Variants in NAV3 observed in about 807,000 individuals in gnomAD.
NAV3 encodes pore membrane and/or filament interacting like protein 1.
Under a neutral mutation model 244.7 loss-of-function variants are expected in NAV3, and 87 were observed. The observed-to-expected ratio is 0.36, with a 90% CI of 0.30 to 0.42. NAV3 has a LOEUF of 0.42. NAV3 is among the 20% of genes least tolerant of loss of function. The pLI is 1.00. For synonymous variants in NAV3, 1,126 were observed against 1,042.2 expected (o/e 1.08, Z -1.55); for missense variants, 2,663 against 2,893.3 (o/e 0.92, Z 1.83).
chr12:77,673,867 G>A (rs767096667), intron 2 of NAV3, among the ~76,000 whole-genome samples: 3 of 151,982 alleles, frequency 2.0e-5, no homozygotes, highest in African/African-American at 7.2e-5. Context: ...TTTTAAAGTG[G>A]TAATTGATAT....
chr12:78,137,434 C>A, intron 19 of NAV3, 69 bp downstream of exon 19: 2 of 1,412,510 alleles, frequency 1.4e-6, no homozygotes, highest in Non-Finnish European at 1.9e-6. Context: ...CATTGTGTCA[C>A]TCACATCACA....
chr12:78,177,210 A>G lies in NAV3; in HGVS notation c.5194A>G (p.Ile1732Val). Residue 1732 changes from isoleucine (I) to valine (V), a missense_variant, in exon 27 of 40, where the codon ATT becomes GTT. This residue lies in a region of NAV3 where 193 missense variants were observed against 200.7 expected (regional missense o/e 0.96). Coordinates refer to ENST00000397909, the MANE Select transcript of NAV3 (RefSeq NM_001024383.2). ...STKPPSSHSD[I>V]EELTDSSLPA... Reference sequence around the variant, plus strand: ...CAAGCCTCCTTCATCACATTCTGACATTGAAGAGCTTACTGATTCATCCCT... The same window carrying G: ...CAAGCCTCCTTCATCACATTCTGACGTTGAAGAGCTTACTGATTCATCCCT... 1 of 1,613,516 alleles carries G rather than the reference A, an allele frequency of 6.2e-7. No individual in the cohort carries two copies. The highest frequency in any genetic ancestry group is 8.5e-7 in the Non-Finnish European group (1 of 1,179,612).
chr12:78,205,662 A>G (rs960616484), intron 39 of NAV3, among the ~76,000 whole-genome samples: 8 of 152,210 alleles, frequency 5.3e-5, no homozygotes, highest in Middle Eastern at 3.4e-3. Flanking sequence ...ATAGTGGAAT[A>G]ATTGAAATAA....
chr12:77,673,698 A>T (rs1389347544), intron 2 of NAV3, among the ~76,000 whole-genome samples: 3 of 152,162 alleles, frequency 2.0e-5, no homozygotes, highest in Non-Finnish European at 4.4e-5. Context: ...AAAAAGAAAT[A>T]GGTGAGGAGG....
intron 2 of NAV3, among the ~76,000 whole-genome samples, chr12:77,747,998 C>A (rs1314673861): frequency 6.6e-6 from 1 of 151,968 alleles, no homozygotes; most frequent in East Asian, 1.9e-4. Context: ...CAAACCTGCA[C>A]GTTGTGCACG....
chr12:77,624,360 T>G (rs1871520484), intron 2 of NAV3, among the ~76,000 whole-genome samples: 1 of 152,060 alleles, frequency 6.6e-6, no homozygotes, highest in Non-Finnish European at 1.5e-5. Context: ...GTAGCCCAAG[T>G]GCCAAACACG....
At chr12:77,949,386 C>A (rs1459607385) in intron 3 of NAV3, among the ~76,000 whole-genome samples, 1 of 151,950 alleles carries the variant, frequency 6.6e-6, no homozygotes, top group Admixed American at 6.6e-5. Context: ...ATGGTTTGGA[C>A]TCATGTTTAT....
At chr12:77,935,341 T>G (rs1293410626) in intron 1 of NAV3, among the ~76,000 whole-genome samples, 1 of 152,192 alleles carries the variant, frequency 6.6e-6, no homozygotes. Context: ...TATGTTGCCT[T>G]CTATTTCATC....
At chr12:77,738,448 A>G (rs1202200620) in intron 2 of NAV3, among the ~76,000 whole-genome samples, 1 of 152,236 alleles carries the variant, frequency 6.6e-6, no homozygotes, top group African/African-American at 2.4e-5. Context: ...ATTTGTTATT[A>G]TCATGACTTC....
At chr12:77,958,288 A>G (rs555508549) in intron 3 of NAV3, among the ~76,000 whole-genome samples, 97 of 152,332 alleles carry the variant, frequency 6.4e-4, no homozygotes, top group Non-Finnish European at 1.3e-3. Context: ...TCTTTAGAAT[A>G]TATGAAAATA....
chr12:78,067,257 A>T (rs569374234), intron 12 of NAV3, among the ~76,000 whole-genome samples: 1 of 152,114 alleles, frequency 6.6e-6, no homozygotes, highest in Non-Finnish European at 1.5e-5. Flanking sequence ...GGCTCTCCAT[A>T]GTAATTAAAA....
chr12:78,055,322 C>T (rs745862412), intron 11 of NAV3, among the ~76,000 whole-genome samples: 3 of 151,912 alleles, frequency 2.0e-5, no homozygotes, highest in Admixed American at 6.6e-5. Context: ...TTGTTTTAAA[C>T]GTTTTTTAAC....
intron 5 of NAV3, among the ~76,000 whole-genome samples, chr12:77,983,705 A>G (rs1238352819): frequency 1.3e-5 from 2 of 152,194 alleles, no homozygotes; most frequent in African/African-American, 4.8e-5. Flanking sequence ...AACTCTGGGG[A>G]CCACAAACAA....
intron 2 of NAV3, among the ~76,000 whole-genome samples, chr12:77,621,729 C>T (rs774853755): frequency 3.3e-5 from 5 of 152,172 alleles, no homozygotes; most frequent in South Asian, 4.2e-4. Context: ...CCGCCCACCT[C>T]GGCCTCCCAA....
At chr12:78,133,878 C>A (rs572479074) in intron 18 of NAV3, among the ~76,000 whole-genome samples, 2 of 152,234 alleles carry the variant, frequency 1.3e-5, no homozygotes, top group South Asian at 4.1e-4. Flanking sequence ...CTCTAAGATC[C>A]ATTCAAAGCC....
At chr12:77,720,169 C>A (rs770539) in intron 2 of NAV3, among the ~76,000 whole-genome samples, 43 of 151,682 alleles carry the variant, frequency 2.8e-4, no homozygotes, top group African/African-American at 1.0e-3. Context: ...CTCTCTCTCT[C>A]TCTCTCTCTC....
chr12:78,083,305 C>T (rs746805656), intron 12 of NAV3, among the ~76,000 whole-genome samples: 58 of 152,044 alleles, frequency 3.8e-4, no homozygotes, highest in Non-Finnish European at 5.4e-4. Flanking sequence ...CCTCATGACC[C>T]GGTGATCTCA....
At chr12:78,005,718 C>T (rs150296343) in intron 7 of NAV3, among the ~76,000 whole-genome samples, 1 of 152,122 alleles carries the variant, frequency 6.6e-6, no homozygotes, top group African/African-American at 2.4e-5. Flanking sequence ...CATTAGATAC[C>T]TAAATCATTG....
intron 1 of NAV3, among the ~76,000 whole-genome samples, chr12:77,928,350 G>A (rs1888437396): frequency 1.3e-5 from 2 of 152,050 alleles, no homozygotes; most frequent in East Asian, 1.9e-4. Flanking sequence ...TGAATGCCGA[G>A]GGGTTCTCAC....
Sources: allele counts gnomAD v4.1 joint callset (sites outside exome capture counted in the v4.1 genomes callset), GRCh38; gene constraint gnomAD v4.1.1; regional missense constraint gnomAD v4.1.1; transcripts MANE v1.5; gene names NCBI Gene and HGNC (gene_info 2026-07-23, HGNC 2026-07-21).